The following GPC6 variants were observed in gnomAD, a reference collection of about 807,000 sequenced individuals.
GPC6 encodes the protein glypican-6.
A neutral mutation model predicts 55.2 loss-of-function variants in GPC6; 14 were observed. That is an observed-to-expected ratio of 0.25 (90% confidence interval 0.17 to 0.40). The LOEUF (loss-of-function observed/expected upper bound fraction) is 0.40. Among genes scored for constraint, GPC6 ranks in the 10% least tolerant of loss-of-function variants. The pLI is 1.00. For missense variants in GPC6, 641 were observed against 708.5 expected, an observed-to-expected ratio of 0.90 and a Z score of 1.08; for synonymous variants, 278 against 259.6, an observed-to-expected ratio of 1.07 and a Z score of -0.68.
At chr13:93,434,697 A>G (rs1877500357) in intron 1 of GPC6, among the ~76,000 whole-genome samples, 2 of 152,080 alleles carry the variant, frequency 1.3e-5, no homozygotes, top group African/African-American at 4.8e-5. Context: ...TTTATCCCCA[A>G]GTCTGATTTT....
chr13:94,334,355 C>G (rs1017886327), intron 6 of GPC6, among the ~76,000 whole-genome samples: 1 of 152,256 alleles, frequency 6.6e-6, no homozygotes, highest in Non-Finnish European at 1.5e-5. Flanking sequence ...CTGTACATTA[C>G]AACCACCTGG....
chr13:94,005,216 T>C (rs1881967378), intron 3 of GPC6, among the ~76,000 whole-genome samples: 1 of 152,236 alleles, frequency 6.6e-6, no homozygotes, highest in Non-Finnish European at 1.5e-5. Flanking sequence ...TTATTAAGAT[T>C]AATCTATATA....
chr13:93,506,516 C>A (rs1566394146), intron 1 of GPC6, among the ~76,000 whole-genome samples: 1 of 152,082 alleles, frequency 6.6e-6, no homozygotes, highest in Non-Finnish European at 1.5e-5. Flanking sequence ...TATGTACTTT[C>A]CTTTCCCTGT....
intron 1 of GPC6, among the ~76,000 whole-genome samples, chr13:93,257,534 C>T (rs1876996841): frequency 6.6e-6 from 1 of 152,188 alleles, no homozygotes; most frequent in South Asian, 2.1e-4. Flanking sequence ...TGTTGCAACA[C>T]TGCATATATG....
intron 4 of GPC6, among the ~76,000 whole-genome samples, chr13:94,270,556 TC>T (rs1424675204): frequency 6.6e-5 from 10 of 152,258 alleles, no homozygotes; most frequent in African/African-American, 2.4e-4. Flanking sequence ...ATTCGAAGTA[TC>T]TCTGTCTTGG....
intron 1 of GPC6, among the ~76,000 whole-genome samples, chr13:93,409,925 C>G (rs1876433962): frequency 6.6e-6 from 1 of 152,126 alleles, no homozygotes; most frequent in Non-Finnish European, 1.5e-5. Context: ...CAAGACCTAG[C>G]CTATACCTAG....
chr13:93,946,488 T>C (rs1024127163), intron 3 of GPC6, among the ~76,000 whole-genome samples: 4 of 152,228 alleles, frequency 2.6e-5, no homozygotes, highest in African/African-American at 9.6e-5. Flanking sequence ...TTTTAAATAA[T>C]GACTCTATTT....
intron 2 of GPC6, among the ~76,000 whole-genome samples, chr13:93,727,875 A>G (rs1374688104): frequency 1.3e-5 from 2 of 152,072 alleles, no homozygotes; most frequent in Non-Finnish European, 2.9e-5. Flanking sequence ...TCGCTGCTAA[A>G]CATTCCTAAC....
rs1252360006 is a variant in GPC6 at position 93,818,980 on chromosome 13, G to T, written c.320-11174G>T. ...TCTTGGCTGCACACTGGGATCACCT[G>T]GGGAGATCAGTATACAAGATATACA... On this transcript the variant is annotated intron_variant, in intron 2 of 8. Transcript: ENST00000377047. 3.9e-5 allele frequency among the ~76,000 whole-genome samples: 6 copies of T among 152,254 alleles called. No individual in the cohort carries two copies. In the East Asian group the frequency reaches 9.7e-4, roughly 25 times the overall value.
chr13:94,145,259 A>G (rs1251412200), intron 4 of GPC6, among the ~76,000 whole-genome samples: 2 of 152,108 alleles, frequency 1.3e-5, no homozygotes, highest in African/African-American at 4.8e-5. Context: ...CACCTTCTAC[A>G]TGGTAAGACT....
At chr13:94,226,849 C>T (rs1005683315) in intron 4 of GPC6, among the ~76,000 whole-genome samples, 1 of 152,194 alleles carries the variant, frequency 6.6e-6, no homozygotes. Context: ...TCCAGGCCTC[C>T]TGGAGCCATT....
chr13:93,599,880 G>A (rs79539070), intron 2 of GPC6, among the ~76,000 whole-genome samples: 2,874 of 152,244 alleles, frequency 0.019, 91 homozygotes, highest in African/African-American at 0.066. Context: ...AAGAGAAAGA[G>A]TATTTCACAA....
intron 3 of GPC6, among the ~76,000 whole-genome samples, chr13:93,873,620 A>T (rs1889198155): frequency 6.6e-6 from 1 of 152,062 alleles, no homozygotes; most frequent in South Asian, 2.1e-4. Context: ...CCCACCTGTC[A>T]ATAGTGCACA....
At chr13:93,587,218 A>C (rs572940117) in intron 2 of GPC6, among the ~76,000 whole-genome samples, 1 of 152,048 alleles carries the variant, frequency 6.6e-6, no homozygotes, top group Admixed American at 6.6e-5. Context: ...TTTATTATTT[A>C]GGGATATTAT....
intron 4 of GPC6, among the ~76,000 whole-genome samples, chr13:94,131,090 G>A (rs1158341270): frequency 6.6e-6 from 1 of 152,036 alleles, no homozygotes; most frequent in Non-Finnish European, 1.5e-5. Context: ...AGATTTTCAA[G>A]GCAAAGTTAT....
intron 2 of GPC6, among the ~76,000 whole-genome samples, chr13:93,587,321 C>G (rs940893293): frequency 2.0e-5 from 3 of 152,026 alleles, no homozygotes; most frequent in South Asian, 2.1e-4. Flanking sequence ...AGAGCAATGC[C>G]AGGCACATAT....
intron 3 of GPC6, among the ~76,000 whole-genome samples, chr13:93,831,387 A>G (rs576202750): frequency 3.9e-5 from 6 of 152,204 alleles, no homozygotes; most frequent in East Asian, 1.9e-4. Context: ...AAAGACAATT[A>G]CTTAAAGAAG....
intron 3 of GPC6, among the ~76,000 whole-genome samples, chr13:93,860,017 C>T (rs1482792145): frequency 6.6e-6 from 1 of 151,702 alleles, no homozygotes; most frequent in Non-Finnish European, 1.5e-5. Flanking sequence ...GGCCTTCCTA[C>T]TTCCTCTCAC....
chr13:94,186,714 G>C (rs1335858563), intron 4 of GPC6, among the ~76,000 whole-genome samples: 8 of 152,240 alleles, frequency 5.3e-5, no homozygotes, highest in Admixed American at 5.2e-4. Context: ...TTTTTATAGA[G>C]TTCTATCTTG....
Sources: allele counts gnomAD v4.1 joint callset (sites outside exome capture counted in the v4.1 genomes callset), GRCh38; gene constraint gnomAD v4.1.1; transcripts MANE v1.5; gene names NCBI Gene and HGNC (gene_info 2026-07-23, HGNC 2026-07-21).